PIGK: variants seen among roughly 807,000 people sequenced by gnomAD.
The protein encoded by PIGK is GPI-anchor transamidase.
Under a neutral mutation model 50.6 loss-of-function variants are expected in PIGK, and 42 were observed. The ratio of observed to expected loss-of-function variants is 0.83; its 90% CI spans 0.65 to 1.07. The LOEUF is 1.07. Ranked by LOEUF, PIGK falls within the 50% of genes least tolerant of loss-of-function variation. The probability of loss-of-function intolerance (pLI) is 0.00; values close to 1 mark genes in which losing one functional copy is unlikely to be tolerated. For missense variants in PIGK, 448 were observed against 488.7 expected, an observed-to-expected ratio of 0.92 and a Z score of 0.78; for synonymous variants, 151 against 156.0, an observed-to-expected ratio of 0.97 and a Z score of 0.24.
chr1:77,127,666 T>C (rs1654262519), intron 9 of PIGK, among the ~76,000 whole-genome samples: 1 of 151,990 alleles, frequency 6.6e-6, no homozygotes, highest in East Asian at 1.9e-4. Context: ...AAACTAAAAA[T>C]TAAGAATATC....
chr1:77,124,281 G>T (rs1654175819), intron 9 of PIGK, among the ~76,000 whole-genome samples: 1 of 152,058 alleles, frequency 6.6e-6, no homozygotes, highest in Non-Finnish European at 1.5e-5. Context: ...ATTTCACAGT[G>T]TATCTTTTAA....
intron 10 of PIGK, among the ~76,000 whole-genome samples, chr1:77,111,366 A>G (rs1447730452): frequency 6.6e-6 from 1 of 152,208 alleles, no homozygotes; most frequent in African/African-American, 2.4e-5. Flanking sequence ...CCAAATGTCC[A>G]TCAATGACAG....
chr1:77,138,607 T>C (rs979713432), intron 9 of PIGK, among the ~76,000 whole-genome samples: 1 of 152,224 alleles, frequency 6.6e-6, no homozygotes, highest in African/African-American at 2.4e-5. Context: ...CTACAGATAC[T>C]GTGAGATAAT....
chr1:77,107,744 A>T (rs1248264598), intron 10 of PIGK, among the ~76,000 whole-genome samples: 2 of 152,114 alleles, frequency 1.3e-5, no homozygotes, highest in Non-Finnish European at 2.9e-5. Flanking sequence ...GTAGGTCTCT[A>T]ACGACTTGCT....
intron 10 of PIGK, among the ~76,000 whole-genome samples, chr1:77,108,330 A>G (rs988376314): frequency 2.0e-5 from 3 of 152,192 alleles, no homozygotes; most frequent in African/African-American, 4.8e-5. Flanking sequence ...AAAGGATTTT[A>G]TATCTCCTTC....
chr1:77,176,600 C>A (rs868362855), intron 3 of PIGK, among the ~76,000 whole-genome samples: 20 of 152,238 alleles, frequency 1.3e-4, no homozygotes, highest in African/African-American at 4.8e-4. Context: ...ACTTGACAAG[C>A]ACACAAAATC....
intron 3 of PIGK, among the ~76,000 whole-genome samples, chr1:77,181,444 T>G (rs1221548108): frequency 6.6e-6 from 1 of 152,282 alleles, no homozygotes; most frequent in East Asian, 1.9e-4. Flanking sequence ...GGAATGAAAT[T>G]TAAATAAATT....
chr1:77,163,937 C>A lies in PIGK; in HGVS notation c.493G>T (p.Gly165Cys). Reference sequence around the variant, plus strand: ...TGAAATTTTAAGAAACCATTTCCACCATGCCCTTGTATAAAGAGTAAAAAA... The same window carrying A: ...TGAAATTTTAAGAAACCATTTCCACAATGCCCTTGTATAAAGAGTAAAAAA... ...SNILIYMTGH[G>C]GNGFLKFQDS... The change falls in exon 6 of 11, where the codon GGT becomes TGT. Residue 165 changes from glycine (G) to cysteine (C), a missense_variant. Transcript: ENST00000370812. 6.3e-7 allele frequency: 1 copy of A among 1,582,270 alleles called. No individual in the cohort carries two copies. The highest frequency in any genetic ancestry group is 8.7e-7 in the Non-Finnish European group (1 of 1,153,282).
At chr1:77,143,197 A>C (rs1654693138) in intron 9 of PIGK, among the ~76,000 whole-genome samples, 1 of 152,186 alleles carries the variant, frequency 6.6e-6, no homozygotes, top group Admixed American at 6.5e-5. Context: ...TCTTATTACT[A>C]ATTAGTAATA....
At chr1:77,144,467 T>C (rs571578070) in intron 9 of PIGK, among the ~76,000 whole-genome samples, 1 of 151,940 alleles carries the variant, frequency 6.6e-6, no homozygotes, top group Non-Finnish European at 1.5e-5. Context: ...GTGTTTAAAT[T>C]AAAATTAACT....
intron 4 of PIGK, among the ~76,000 whole-genome samples, chr1:77,167,885 C>G (rs1398687899): frequency 6.6e-6 from 1 of 152,174 alleles, no homozygotes; most frequent in Non-Finnish European, 1.5e-5. Context: ...TATAGATTAA[C>G]CATGAAATAA....
At chr1:77,155,670 T>C (rs1035782822) in intron 8 of PIGK, among the ~76,000 whole-genome samples, 1 of 152,076 alleles carries the variant, frequency 6.6e-6, no homozygotes, top group Admixed American at 6.6e-5. Context: ...AAAAGAGCAG[T>C]TGCAGAGACG....
chr1:77,142,336 CT>C (rs1470717151), intron 9 of PIGK, among the ~76,000 whole-genome samples: 1 of 152,118 alleles, frequency 6.6e-6, no homozygotes, highest in Non-Finnish European at 1.5e-5. Flanking sequence ...ATCAATATGA[CT>C]GTGATGAGTT....
intron 3 of PIGK, among the ~76,000 whole-genome samples, chr1:77,199,719 T>C (rs1226987841): frequency 6.6e-6 from 1 of 151,950 alleles, no homozygotes; most frequent in Non-Finnish European, 1.5e-5. Context: ...GAACAAAAGA[T>C]ATTTAGATAG....
chr1:77,145,842 T>C (rs1317931728), intron 9 of PIGK, among the ~76,000 whole-genome samples: 1 of 151,972 alleles, frequency 6.6e-6, no homozygotes, highest in Non-Finnish European at 1.5e-5. Flanking sequence ...GGTATAAAGA[T>C]AGAAATATTA....
Position 77,177,843 on chromosome 1 carries a change from C to T in PIGK, c.240-8448G>A, listed in dbSNP as rs189551201. On this transcript the variant is annotated intron_variant, in intron 3 of 10. Coordinates refer to ENST00000370812, the MANE Select transcript of PIGK (RefSeq NM_005482.3). Reference sequence around the variant, plus strand: ...ACTTTGGAACCTTGAACTTTGGATTCATAATCTCACAACTGGGAAAGATTC... The same window carrying T: ...ACTTTGGAACCTTGAACTTTGGATTTATAATCTCACAACTGGGAAAGATTC... 1.7e-3 allele frequency among the ~76,000 whole-genome samples: 264 copies of T among 152,294 alleles called. 1 individual carries two copies. The highest frequency in any genetic ancestry group is 2.6e-3 in the Non-Finnish European group (175 of 68,016).
chr1:77,215,022 C>T (rs1656520357), intron 1 of PIGK, among the ~76,000 whole-genome samples: 1 of 152,034 alleles, frequency 6.6e-6, no homozygotes, highest in South Asian at 2.1e-4. Context: ...AAAATGCTTC[C>T]ATGCATTGAA....
At chr1:77,173,082 T>C (rs1655404326) in intron 3 of PIGK, among the ~76,000 whole-genome samples, 1 of 152,182 alleles carries the variant, frequency 6.6e-6, no homozygotes, top group South Asian at 2.1e-4. Flanking sequence ...ATGAGATTCT[T>C]AATTTCTGAA....
chr1:77,140,924 A>G (rs1394188341), intron 9 of PIGK, among the ~76,000 whole-genome samples: 2 of 152,162 alleles, frequency 1.3e-5, no homozygotes, highest in Non-Finnish European at 2.9e-5. Context: ...ACTGTATGTC[A>G]CACTGTATAG....
Sources: allele counts gnomAD v4.1 joint callset (sites outside exome capture counted in the v4.1 genomes callset), GRCh38; gene constraint gnomAD v4.1.1; transcripts MANE v1.5; gene names NCBI Gene and HGNC (gene_info 2026-07-23, HGNC 2026-07-21).